The following PCDHA1 variants were observed in gnomAD, a reference collection of about 807,000 sequenced individuals.
PCDHA1 encodes protocadherin alpha-1.
PCDHA1 carries 42 observed loss-of-function variants against 61.3 expected under a neutral mutation model. The observed-to-expected ratio is 0.69, with a 90% CI of 0.54 to 0.89. PCDHA1 has a LOEUF of 0.89. Among genes scored for constraint, PCDHA1 ranks in the 40% least tolerant of loss-of-function variants. The pLI is 0.00. For missense variants in PCDHA1, 1,256 were observed against 1,235.3 expected (o/e 1.02, Z -0.25); for synonymous variants, 610 against 553.8 (o/e 1.10, Z -1.43).
intron 1 of PCDHA1, chr5:140,823,200 G>A (rs782300016): frequency 5.0e-6 from 8 of 1,613,750 alleles, no homozygotes; most frequent in Non-Finnish European, 6.8e-6. Context: ...ACATCTTCAC[G>A]GTGTCTGCAC....
rs1764445088 is a variant in PCDHA1, at chr5:140,809,379, C to G, written c.2394+20695C>G. The G allele has an allele frequency of 1.9e-6, 3 of 1,614,006 alleles. No individual in the cohort carries two copies. The African/African-American group carries it at 4.0e-5, about 22-fold the overall frequency. The stretch of plus-strand genomic sequence containing the variant: ...TGCTCTGCGCTGCCCACCGAGGGCG[C>G]GTGCGCTCCGGGCAAGCCCACGCTG... On this transcript the variant is annotated intron_variant, in intron 1 of 3. Transcript: ENST00000504120.
chr5:140,802,054 C>A (rs17844253), intron 1 of PCDHA1: 2 of 1,614,034 alleles, frequency 1.2e-6, no homozygotes, highest in Non-Finnish European at 1.7e-6. Flanking sequence ...ACGGACATGT[C>A]AGCAGATATT....
chr5:140,822,920 G>C, intron 1 of PCDHA1: 1 of 1,614,238 alleles, frequency 6.2e-7, no homozygotes, highest in Non-Finnish European at 8.5e-7. Flanking sequence ...GGTGCCAACG[G>C]GCAGGTGACC....
chr5:140,883,951 C>T (rs782324778), intron 1 of PCDHA1: 7 of 1,613,222 alleles, frequency 4.3e-6, no homozygotes, highest in African/African-American at 2.7e-5. Flanking sequence ...AGAACGACAA[C>T]GCTCCGGCGC....
intron 1 of PCDHA1, chr5:140,857,828 C>A (rs781917564): frequency 2.5e-6 from 4 of 1,597,660 alleles, no homozygotes; most frequent in African/African-American, 1.3e-5. Flanking sequence ...GGCTAAGGTG[C>A]GCGCAGTGGA....
intron 1 of PCDHA1, chr5:140,968,519 A>G (rs1030847582): frequency 1.2e-6 from 2 of 1,614,008 alleles, no homozygotes; most frequent in South Asian, 1.1e-5. Flanking sequence ...CCCTACCTCA[A>G]CCAACTCGTC....
intron 1 of PCDHA1, chr5:140,824,008 G>A (rs2150131408): frequency 3.7e-6 from 6 of 1,614,026 alleles, no homozygotes; most frequent in Non-Finnish European, 5.1e-6. Flanking sequence ...CAGCGCGGTG[G>A]GGAGCTGGTC....
chr5:140,850,804 T>G (rs2150498986), intron 1 of PCDHA1: 1 of 1,598,410 alleles, frequency 6.3e-7, no homozygotes, highest in Admixed American at 1.7e-5. Flanking sequence ...ACCGACCTCA[T>G]GGCCTTCAGC....
intron 3 of PCDHA1, among the ~76,000 whole-genome samples, chr5:141,008,578 C>T (rs1185736158): frequency 6.6e-6 from 1 of 152,202 alleles, no homozygotes; most frequent in Non-Finnish European, 1.5e-5. Context: ...TTTCCCAAGA[C>T]TCAGGGCAGA....
chr5:140,901,440 G>C (rs187310877), intron 1 of PCDHA1, among the ~76,000 whole-genome samples: 22 of 152,214 alleles, frequency 1.4e-4, no homozygotes, highest in Admixed American at 5.2e-4. Flanking sequence ...TGGATATCTA[G>C]TTTCCCAGCA....
At chr5:140,838,691 T>G (rs1554137147) in intron 1 of PCDHA1, among the ~76,000 whole-genome samples, 2 of 151,996 alleles carry the variant, frequency 1.3e-5, no homozygotes, top group African/African-American at 4.8e-5. Context: ...ACCCCAACAT[T>G]TCGGGAGGCC....
At chr5:140,824,307 A>G (rs2150134018) in intron 1 of PCDHA1, 9 of 785,582 alleles carry the variant, frequency 1.1e-5, no homozygotes, top group Admixed American at 2.5e-5. Context: ...CTGGGGTAAT[A>G]GATTCATCAG....
At chr5:140,881,559 C>A (rs1293330721) in intron 1 of PCDHA1, among the ~76,000 whole-genome samples, 1 of 152,174 alleles carries the variant, frequency 6.6e-6, no homozygotes, top group East Asian at 1.9e-4. Context: ...ATATAAATAT[C>A]TTATCTACAT....
chr5:140,841,816 C>G (rs2150323334), intron 1 of PCDHA1: 1 of 1,613,928 alleles, frequency 6.2e-7, no homozygotes, highest in East Asian at 2.2e-5. Flanking sequence ...TTGGAGCTAA[C>G]TCCGTGTTAA....
intron 1 of PCDHA1, chr5:140,877,919 T>A: frequency 7.0e-7 from 1 of 1,423,998 alleles, no homozygotes; most frequent in South Asian, 1.6e-5. Flanking sequence ...CTCTCATTTT[T>A]CTTTATGATT....
At position 140,923,318 on chromosome 5, in the gene PCDHA1, A is replaced by G. The variant is rs189105018; in HGVS notation, c.2395-55631A>G. Among the ~76,000 whole-genome samples the G allele has an allele frequency of 8.1e-3, 1,226 of 152,276 alleles. 6 individuals are homozygous for G. The highest frequency in any genetic ancestry group is 0.019 in the African/African-American group (794 of 41,558). On this transcript the variant is annotated intron_variant, in intron 1 of 3. Transcript: ENST00000504120. ...CTGGGCGTGGGGGCGCTTGGCCTAG[A>G]AGTTCAAGGACAGTTTGGGCAACAT...
At chr5:140,998,014 C>T (rs1554256135) in intron 3 of PCDHA1, among the ~76,000 whole-genome samples, 1 of 152,162 alleles carries the variant, frequency 6.6e-6, no homozygotes, top group Non-Finnish European at 1.5e-5. Context: ...TCCATCCCCA[C>T]CTCGAGCTAG....
intron 1 of PCDHA1, among the ~76,000 whole-genome samples, chr5:140,964,393 C>T (rs782008532): frequency 6.6e-6 from 1 of 152,098 alleles, no homozygotes; most frequent in Admixed American, 6.5e-5. Context: ...GTTTTTCTCC[C>T]AAGACATGAC....
intron 1 of PCDHA1, among the ~76,000 whole-genome samples, chr5:140,893,950 T>A (rs1244558882): frequency 6.6e-6 from 1 of 152,206 alleles, no homozygotes; most frequent in Non-Finnish European, 1.5e-5. Flanking sequence ...TCTGCATGAC[T>A]TTATTAGTCA....
Sources: gnomAD v4.1 joint callset for allele counts (sites outside exome capture counted in the v4.1 genomes callset) on GRCh38, gnomAD v4.1.1 for gene constraint, MANE v1.5 for transcripts, NCBI Gene and HGNC (gene_info 2026-07-23, HGNC 2026-07-21) for gene names.